CHODL: variants seen among roughly 807,000 people sequenced by gnomAD.
CHODL encodes the protein chondrolectin, also known as transmembrane protein MT75.
In CHODL, 29 loss-of-function variants were observed where a neutral mutation model predicts 34.5. That is an observed-to-expected ratio of 0.84 (90% confidence interval 0.63 to 1.15). The LOEUF is 1.15. CHODL is among the 50% of genes most tolerant of loss of function. CHODL has a pLI of 0.00. For synonymous variants in CHODL, 125 were observed against 116.1 expected (o/e 1.08, Z -0.49); for missense variants, 332 against 332.5 (o/e 1.00, Z 0.01).
chr21:18,020,176 T>C (rs568156316), intron 1 of CHODL, among the ~76,000 whole-genome samples: 1 of 152,278 alleles, frequency 6.6e-6, no homozygotes, highest in South Asian at 2.1e-4. Flanking sequence ...GAAGAACCAG[T>C]TTTGAAATTG....
chr21:17,973,583 A>G (rs2063635790), intron 1 of CHODL, among the ~76,000 whole-genome samples: 1 of 140,036 alleles, frequency 7.1e-6, no homozygotes, highest in South Asian at 2.2e-4. Context: ...TGCCCAGCTA[A>G]TTTTTTGTAT....
At chr21:18,059,363 T>C (rs150268) in intron 2 of CHODL, among the ~76,000 whole-genome samples, 52,415 of 152,112 alleles carry the variant, frequency 0.34, 10,181 homozygotes, top group East Asian at 0.82. Context: ...TGTGGTATTT[T>C]GTTATGGCAG....
At chr21:18,058,217 A>T (rs2064608699) in intron 2 of CHODL, among the ~76,000 whole-genome samples, 1 of 152,162 alleles carries the variant, frequency 6.6e-6, no homozygotes, top group Non-Finnish European at 1.5e-5. Context: ...ACTGGTGATG[A>T]TAGGGAGAAA....
At chr21:17,957,611 A>G (rs1471716565) in intron 1 of CHODL, among the ~76,000 whole-genome samples, 1 of 152,140 alleles carries the variant, frequency 6.6e-6, no homozygotes, top group Non-Finnish European at 1.5e-5. Context: ...TATTCTATAA[A>G]CCAGAATCTT....
At chr21:18,062,739 C>A (rs181566920) in intron 2 of CHODL, among the ~76,000 whole-genome samples, 2 of 152,172 alleles carry the variant, frequency 1.3e-5, no homozygotes, top group East Asian at 3.9e-4. Context: ...TCTCTCCAGC[C>A]TGGGAAACAG....
intron 1 of CHODL, chr21:18,246,087 A>G (rs1007394994): frequency 8.8e-5 from 63 of 714,820 alleles, no homozygotes; most frequent in Non-Finnish European, 1.3e-4. Flanking sequence ...TCGTTGAGCG[A>G]TTTATATTGC....
intron 1 of CHODL, among the ~76,000 whole-genome samples, chr21:18,013,649 T>G (rs1404665338): frequency 7.3e-6 from 1 of 136,108 alleles, no homozygotes; most frequent in Non-Finnish European, 1.6e-5. Context: ...TTTTTTTTTT[T>G]TTTGAGACAG....
rs117174906 is a variant in CHODL, at chr21:17,949,255, G to C, written c.-145+31855G>C. Among the ~76,000 whole-genome samples the C allele has an allele frequency of 1.2e-3, 179 of 152,222 alleles. 5 individuals carry two copies. The East Asian group carries it at 0.033, about 28-fold the overall frequency. The stretch of plus-strand genomic sequence containing the variant: ...CAGAGTAATGTTGGATAATACATCA[G>C]CCTCAAGAAATTTTCCAGATTAAAT... On this transcript the variant is annotated intron_variant, in intron 1 of 6. Transcript: ENST00000400127.
chr21:17,944,378 T>G (rs1364039676), intron 1 of CHODL, among the ~76,000 whole-genome samples: 2 of 152,092 alleles, frequency 1.3e-5, no homozygotes, highest in Admixed American at 6.6e-5. Context: ...GGTAGAAAGA[T>G]TCTCACCTCT....
At chr21:18,092,632 TA>T in intron 2 of CHODL, among the ~76,000 whole-genome samples, 1 of 152,086 alleles carries the variant, frequency 6.6e-6, no homozygotes. Flanking sequence ...TTGAAATAAT[TA>T]AAAAGAATCA....
chr21:18,130,412 T>C (rs1315322896), intron 2 of CHODL, among the ~76,000 whole-genome samples: 1 of 152,210 alleles, frequency 6.6e-6, no homozygotes, highest in East Asian at 1.9e-4. Flanking sequence ...TTAAAACAAT[T>C]CTTGGCCAGT....
intron 1 of CHODL, among the ~76,000 whole-genome samples, chr21:17,993,737 A>G (rs1422449856): frequency 6.6e-6 from 1 of 152,200 alleles, no homozygotes; most frequent in Non-Finnish European, 1.5e-5. Context: ...ATATCCAGTA[A>G]TGGGATGGAT....
chr21:18,206,100 G>C, intron 2 of CHODL, among the ~76,000 whole-genome samples: 1 of 152,190 alleles, frequency 6.6e-6, no homozygotes, highest in Non-Finnish European at 1.5e-5. Context: ...AGAAAAATGT[G>C]TAACCTGGAA....
chr21:18,023,388 T>A (rs1004219899), intron 1 of CHODL, among the ~76,000 whole-genome samples: 4 of 152,032 alleles, frequency 2.6e-5, no homozygotes, highest in Admixed American at 1.3e-4. Flanking sequence ...CAGCTGGTAG[T>A]CATACAGGAT....
At chr21:18,245,639 G>A (rs1013203128) in intron 1 of CHODL, among the ~76,000 whole-genome samples, 2 of 152,096 alleles carry the variant, frequency 1.3e-5, no homozygotes, top group African/African-American at 4.8e-5. Flanking sequence ...TGCCAAAGGG[G>A]TGGGGTAGGG....
Position 18,087,977 on chromosome 21 carries a change from G to A in CHODL, c.-45+60006G>A, listed in dbSNP as rs144651809. 8.8e-3 allele frequency among the ~76,000 whole-genome samples: 1,345 copies of A among 152,260 alleles called. 23 individuals are homozygous for A. The highest frequency in any genetic ancestry group is 0.049 in the South Asian group (236 of 4,824). On this transcript the variant is annotated intron_variant, in intron 2 of 6. Coordinates refer to the CHODL transcript ENST00000400127. ...GGAGGCACGATCTTCACATGATGGA[G>A]CAGGAGAGAGAGGACAAGCGAAGGG...
intron 2 of CHODL, among the ~76,000 whole-genome samples, chr21:18,049,583 C>G (rs1213093894): frequency 6.6e-6 from 1 of 151,910 alleles, no homozygotes; most frequent in Admixed American, 6.6e-5. Context: ...GTTCTGGAGG[C>G]TGGTAAGTCT....
rs147725005 is a variant in CHODL at position 17,923,853 on chromosome 21, T to G, written c.-145+6453T>G. ...TTTAGAAAAGGTGCCAAACTACTCA[T>G]GTGGAACTAGAAAGATGGCAACACA... On this transcript the variant is annotated intron_variant, in intron 1 of 6. Coordinates refer to the CHODL transcript ENST00000400127. 5.2e-3 allele frequency among the ~76,000 whole-genome samples: 797 copies of G among 152,332 alleles called. 4 individuals are homozygous for G. Among genetic ancestry groups the G allele is most frequent in the Non-Finnish European group, 8.6e-3 (583 of 68,020 alleles).
At chr21:17,994,769 C>A (rs939400331) in intron 1 of CHODL, among the ~76,000 whole-genome samples, 2 of 151,988 alleles carry the variant, frequency 1.3e-5, no homozygotes, top group African/African-American at 4.8e-5. Context: ...CAGGGTTCAA[C>A]CCCCCAGGTA....
Sources: allele counts gnomAD v4.1 joint callset (sites outside exome capture counted in the v4.1 genomes callset), GRCh38; gene constraint gnomAD v4.1.1; transcripts MANE v1.5; gene names NCBI Gene and HGNC (gene_info 2026-07-23, HGNC 2026-07-21).